METTL25: variants seen among roughly 807,000 people sequenced by gnomAD.
The protein encoded by METTL25 is methyltransferase like 25, also known as probable methyltransferase-like protein 25.
Under a neutral mutation model 71.6 loss-of-function variants are expected in METTL25, and 64 were observed. The ratio of observed to expected loss-of-function variants is 0.89; its 90% CI spans 0.73 to 1.10. The LOEUF (loss-of-function observed/expected upper bound fraction) is 1.10, where lower values mean the gene tolerates loss of function less well. Ranked by LOEUF, METTL25 falls within the 50% of genes least tolerant of loss-of-function variation. The pLI is 0.00. For synonymous variants in METTL25, 287 were observed against 250.3 expected (o/e 1.15, Z -1.38); for missense variants, 807 against 707.0 (o/e 1.14, Z -1.60).
Position 82,398,165 on chromosome 12 carries a change from G to A in METTL25, c.532-630G>A, listed in dbSNP as rs113451329. Among the ~76,000 whole-genome samples the A allele has an allele frequency of 1.7e-3, 260 of 150,588 alleles. 1 individual carries two copies. The highest frequency in any genetic ancestry group is 3.1e-3 in the Non-Finnish European group (211 of 67,482). On this transcript the variant is annotated intron_variant, in intron 3 of 11. Transcript: ENST00000248306. ...TTATAGTTTTCAATGTATAGGTTTT[G>A]TACATCCTTCATTAAATTTATTCCT...
At chr12:82,466,849 C>A (rs1892266573) in intron 9 of METTL25, among the ~76,000 whole-genome samples, 1 of 152,028 alleles carries the variant, frequency 6.6e-6, no homozygotes. Context: ...TGTAGTTTCT[C>A]TCTTTATAGC....
chr12:82,460,476 A>G (rs1484890184), intron 9 of METTL25, among the ~76,000 whole-genome samples: 3 of 152,238 alleles, frequency 2.0e-5, no homozygotes, highest in Admixed American at 1.3e-4. Context: ...CCAAGTAATC[A>G]AGCTCAACAT....
intron 5 of METTL25, among the ~76,000 whole-genome samples, chr12:82,416,446 G>GT (rs5799585): frequency 0.84 from 115,335 of 136,706 alleles, 48,940 homozygotes; most frequent in East Asian, 0.99. Flanking sequence ...TATCATTTAG[G>GT]TTTTTTTTTT....
intron 1 of METTL25, among the ~76,000 whole-genome samples, chr12:82,360,243 A>G (rs1432609334): frequency 6.6e-6 from 1 of 152,202 alleles, no homozygotes; most frequent in African/African-American, 2.4e-5. Flanking sequence ...TGTCTTACAT[A>G]TTCTAATAAT....
At position 82,380,923 on chromosome 12, in the gene METTL25, A is replaced by T. The variant is rs559254529; in HGVS notation, c.260-5880A>T. On this transcript the variant is annotated intron_variant, in intron 1 of 11. Transcript: ENST00000248306. The stretch of plus-strand genomic sequence containing the variant: ...CCTGAAAGAAGAGTGAGCCATGAAA[A>T]TTCATGAGGGAAGGTGGTCTCAGAC... Among the ~76,000 whole-genome samples the T allele has an allele frequency of 3.9e-5, 6 of 152,336 alleles. No individual in the cohort carries two copies. The South Asian group carries it at 1.2e-3, about 32-fold the overall frequency.
chr12:82,400,011 A>G (rs929821660), intron 4 of METTL25, among the ~76,000 whole-genome samples: 1 of 151,532 alleles, frequency 6.6e-6, no homozygotes, highest in African/African-American at 2.4e-5. Flanking sequence ...TTCTTTTTAA[A>G]GAAATTCTTC....
intron 9 of METTL25, among the ~76,000 whole-genome samples, chr12:82,463,745 T>C (rs1892047305): frequency 6.6e-6 from 1 of 152,026 alleles, no homozygotes; most frequent in Non-Finnish European, 1.5e-5. Flanking sequence ...TGCCAACATT[T>C]GTTATTTTTT....
At chr12:82,426,245 T>C (rs1420049110) in intron 5 of METTL25, among the ~76,000 whole-genome samples, 2 of 152,180 alleles carry the variant, frequency 1.3e-5, no homozygotes, top group East Asian at 3.9e-4. Flanking sequence ...GTTGTTTGCA[T>C]TTAACTCCAT....
intron 5 of METTL25, among the ~76,000 whole-genome samples, chr12:82,422,928 T>C (rs1176755626): frequency 6.6e-6 from 1 of 152,170 alleles, no homozygotes; most frequent in Admixed American, 6.6e-5. Flanking sequence ...CATTCCATGC[T>C]CATGGATAGG....
chr12:82,446,266 G>A (rs956077828), intron 8 of METTL25, among the ~76,000 whole-genome samples: 2 of 152,090 alleles, frequency 1.3e-5, no homozygotes, highest in Non-Finnish European at 2.9e-5. Flanking sequence ...GTACCGATTA[G>A]CCAGACAGAA....
chr12:82,464,828 T>G (rs771776344), intron 9 of METTL25, among the ~76,000 whole-genome samples: 11 of 151,806 alleles, frequency 7.2e-5, no homozygotes, highest in Non-Finnish European at 1.0e-4. Context: ...TTTTACCTCC[T>G]TCGTTAAATT....
intron 5 of METTL25, among the ~76,000 whole-genome samples, chr12:82,413,456 G>A (rs1002748200): frequency 2.0e-5 from 3 of 152,052 alleles, no homozygotes; most frequent in African/African-American, 7.2e-5. Context: ...TTAGAGTTAT[G>A]TATAAGTTAC....
intron 3 of METTL25, among the ~76,000 whole-genome samples, chr12:82,394,014 G>A (rs1330022563): frequency 6.6e-6 from 1 of 151,896 alleles, no homozygotes; most frequent in Non-Finnish European, 1.5e-5. Flanking sequence ...TCATTCAGGA[G>A]CATGTTGTTT....
intron 5 of METTL25, among the ~76,000 whole-genome samples, chr12:82,422,507 A>T (rs1419140784): frequency 1.3e-5 from 2 of 152,172 alleles, no homozygotes; most frequent in Non-Finnish European, 2.9e-5. Flanking sequence ...GCCCTCTCTC[A>T]CCACTCCTAT....
chr12:82,412,987 TG>T (rs1314242149), intron 5 of METTL25, among the ~76,000 whole-genome samples: 3 of 152,048 alleles, frequency 2.0e-5, no homozygotes, highest in African/African-American at 7.2e-5. Flanking sequence ...AAACAAATTA[TG>T]TGATTGATTA....
intron 5 of METTL25, among the ~76,000 whole-genome samples, chr12:82,406,452 T>C (rs1887099354): frequency 6.6e-6 from 1 of 152,178 alleles, no homozygotes; most frequent in Non-Finnish European, 1.5e-5. Context: ...TCACCTTTTT[T>C]CCACATAATA....
chr12:82,452,160 A>G (rs1264030618), intron 8 of METTL25, among the ~76,000 whole-genome samples: 1 of 152,216 alleles, frequency 6.6e-6, no homozygotes, highest in Non-Finnish European at 1.5e-5. Context: ...TGATACTCTC[A>G]AGAAACTGTA....
chr12:82,423,999 C>A (rs1267459730), intron 5 of METTL25, among the ~76,000 whole-genome samples: 1 of 152,128 alleles, frequency 6.6e-6, no homozygotes, highest in Non-Finnish European at 1.5e-5. Flanking sequence ...GTATCTAGAA[C>A]TAGAAATACC....
In METTL25 at chr12:82,386,928, T is replaced by C. The variant is rs1297006791; in HGVS notation, c.385T>C (p.Leu129=). 1 of 1,613,314 alleles carries C rather than the reference T, an allele frequency of 6.2e-7. No individual in the cohort carries two copies. Among genetic ancestry groups the C allele is most frequent in the East Asian group, 2.2e-5 (1 of 44,840 alleles). The part of the protein sequence containing the change: ...NLGICTPFEQ[L]LVALRGNQNQ... ...GGGAATATGTACTCCTTTTGAACAG[T>C]TGCTTGTAGCCCTTCGAGGAAATCA... Residue 129 remains leucine (L), a synonymous_variant, in exon 2 of 12, where the codon TTG becomes CTG. Coordinates refer to ENST00000248306, the MANE Select transcript of METTL25 (RefSeq NM_032230.3).
Sources: allele counts gnomAD v4.1 joint callset (sites outside exome capture counted in the v4.1 genomes callset), GRCh38; gene constraint gnomAD v4.1.1; transcripts MANE v1.5; gene names NCBI Gene and HGNC (gene_info 2026-07-23, HGNC 2026-07-21).